Variants in GLIS1 observed in about 807,000 individuals in gnomAD.
GLIS1 encodes the protein GLIS family zinc finger 1, also known as zinc finger protein GLIS1.
A neutral mutation model predicts 63.8 loss-of-function variants in GLIS1; 24 were observed. The observed-to-expected ratio is 0.38, with a 90% CI of 0.27 to 0.53. The LOEUF (loss-of-function observed/expected upper bound fraction) is 0.53. GLIS1 is among the 20% of genes least tolerant of loss of function. The pLI is 0.85. For synonymous variants in GLIS1, 450 were observed against 482.5 expected, an observed-to-expected ratio of 0.93 and a Z score of 0.88; for missense variants, 1,036 against 1,074.1, an observed-to-expected ratio of 0.96 and a Z score of 0.50.
intron 7 of GLIS1, 25 bp downstream of exon 7, chr1:53,520,608 CT>C (rs779743396): frequency 1.9e-6 from 3 of 1,590,638 alleles, no homozygotes; most frequent in African/African-American, 1.3e-5. Flanking sequence ...GGCTACGCCC[CT>C]GGCCCTGCCT....
At chr1:53,734,042 T>C (rs1570119210) in intron 2 of GLIS1, 1 of 984,280 alleles carries the variant, frequency 1.0e-6, no homozygotes, top group African/African-American at 1.8e-5. Context: ...TCCGAGTCCA[T>C]GCGCACAATC....
At chr1:53,685,370 C>T (rs921611537) in intron 2 of GLIS1, among the ~76,000 whole-genome samples, 1 of 152,326 alleles carries the variant, frequency 6.6e-6, no homozygotes, top group East Asian at 1.9e-4. Context: ...GTGGTGTCTG[C>T]GCTGCCGGGC....
At position 53,597,176 on chromosome 1, in the gene GLIS1, T is replaced by TA. The variant is rs57607550; in HGVS notation, c.438-2187dup. Among the ~76,000 whole-genome samples, 184 of 19,330 alleles carry TA rather than the reference T, an allele frequency of 9.5e-3. 5 individuals carry two copies. The highest frequency in any genetic ancestry group is 0.03 in the South Asian group (6 of 200). The allele number at this position is 19,330 out of a possible 152,430, so 12.7% of individuals were successfully genotyped here. A position where few individuals can be genotyped will look rare whatever the true frequency, so the allele number is the denominator to read the frequency against. The stretch of plus-strand genomic sequence containing the variant: ...TGGCCTGGTGAAACCCTGTCTCTAC[T>TA]AAAAAAAAAAAAAAAAAAAAAAAAA... On this transcript the variant is annotated intron_variant, in intron 3 of 10. Transcript: ENST00000628545.
chr1:53,540,711 G>A (rs183257174), intron 4 of GLIS1, among the ~76,000 whole-genome samples: 136 of 152,256 alleles, frequency 8.9e-4, no homozygotes, highest in Non-Finnish European at 1.4e-3. Flanking sequence ...GCTTCACCCC[G>A]AGCTGCCTGC....
At chr1:53,676,293 T>C (rs1398673119) in intron 2 of GLIS1, among the ~76,000 whole-genome samples, 4 of 152,140 alleles carry the variant, frequency 2.6e-5, no homozygotes, top group Non-Finnish European at 5.9e-5. Flanking sequence ...GGAATCGTGG[T>C]TCCCCTCAAA....
chr1:53,524,850 C>T lies in GLIS1; in HGVS notation c.1520G>A (p.Arg507His), dbSNP rs201662227. The T allele has an allele frequency of 1.9e-6, 3 of 1,612,360 alleles. No individual in the cohort carries two copies. The highest frequency in any genetic ancestry group is 1.7e-5 in the Admixed American group (1 of 59,990). ...YACQIPGCSK[R>H]YTDPSSLRKH... ...GCGGAGGGAGCTGGGGTCTGTGTAG[C>T]GCTTGGAGCAGCCAGGGATCTGACA... The change falls in exon 6 of 11, where the codon CGC (arginine) becomes CAC (histidine). Residue 507 changes from arginine to histidine, a missense_variant. Coordinates refer to ENST00000628545, the MANE Select transcript of GLIS1 (RefSeq NM_001367484.1).
intron 2 of GLIS1, among the ~76,000 whole-genome samples, chr1:53,655,501 T>C (rs1267962772): frequency 6.6e-6 from 1 of 152,168 alleles, no homozygotes; most frequent in Non-Finnish European, 1.5e-5. Flanking sequence ...ATACAGTCAT[T>C]GTGAAGACCA....
At chr1:53,641,397 C>T (rs1291554847) in intron 2 of GLIS1, among the ~76,000 whole-genome samples, 1 of 152,188 alleles carries the variant, frequency 6.6e-6, no homozygotes, top group East Asian at 1.9e-4. Context: ...CAGTGACATC[C>T]CAGTGCCTGC....
At chr1:53,734,308 G>A (rs760669367) in intron 2 of GLIS1, 2 of 584,622 alleles carry the variant, frequency 3.4e-6, no homozygotes, top group Admixed American at 6.3e-5. Flanking sequence ...AAACTATAAA[G>A]TTTTCTAACT....
At chr1:53,597,798 G>T (rs1645274657) in intron 3 of GLIS1, among the ~76,000 whole-genome samples, 1 of 152,124 alleles carries the variant, frequency 6.6e-6, no homozygotes, top group African/African-American at 2.4e-5. Context: ...TGGGGGCACA[G>T]CAACTTAGAC....
intron 7 of GLIS1, among the ~76,000 whole-genome samples, chr1:53,517,825 C>A (rs943963798): frequency 6.6e-6 from 1 of 152,184 alleles, no homozygotes; most frequent in African/African-American, 2.4e-5. Flanking sequence ...GGGGCCAGGT[C>A]CCGGCCTGTC....
intron 2 of GLIS1, among the ~76,000 whole-genome samples, chr1:53,605,850 C>G (rs1645364709): frequency 6.6e-6 from 1 of 152,220 alleles, no homozygotes; most frequent in Non-Finnish European, 1.5e-5. Context: ...CACAGTCAGG[C>G]CCACAGCAAG....
intron 2 of GLIS1, among the ~76,000 whole-genome samples, chr1:53,701,502 T>G (rs1462959080): frequency 6.6e-6 from 1 of 152,204 alleles, no homozygotes; most frequent in Non-Finnish European, 1.5e-5. Flanking sequence ...TGCCAGGTAC[T>G]GTCCTAAGCC....
At chr1:53,550,920 G>A (rs575386544) in intron 4 of GLIS1, among the ~76,000 whole-genome samples, 6 of 152,104 alleles carry the variant, frequency 3.9e-5, no homozygotes, top group African/African-American at 1.2e-4. Context: ...GCGCGATCTC[G>A]GCTCACTGCA....
chr1:53,509,067 G>C, intron 10 of GLIS1, 53 bp downstream of exon 10: 1 of 1,489,264 alleles, frequency 6.7e-7, no homozygotes, highest in Non-Finnish European at 9.1e-7. Context: ...ACCCAGCACT[G>C]GGTTGAGCCT....
Position 53,514,563 on chromosome 1 carries a change from C to T in GLIS1, c.1883+62G>A, listed in dbSNP as rs1644329983. On this transcript the variant is annotated intron_variant, in intron 8 of 10. Coordinates refer to ENST00000628545, the MANE Select transcript of GLIS1 (RefSeq NM_001367484.1). ...TAGATAGTGCGGGACACCTGCTCTC[C>T]CTGCCTCCCCCCGAGATCCCCCCTT... 4.5e-6 allele frequency: 7 copies of T among 1,548,342 alleles called. No individual in the cohort carries two copies. In the Admixed American group the frequency reaches 1.2e-4, roughly 27 times the overall value.
chr1:53,549,519 C>T (rs1313762640), intron 4 of GLIS1, among the ~76,000 whole-genome samples: 1 of 152,204 alleles, frequency 6.6e-6, no homozygotes, highest in Non-Finnish European at 1.5e-5. Flanking sequence ...CATTTTCCTG[C>T]TGGCTAATGT....
chr1:53,554,517 A>G (rs952815081), intron 4 of GLIS1, among the ~76,000 whole-genome samples: 1 of 152,208 alleles, frequency 6.6e-6, no homozygotes, highest in African/African-American at 2.4e-5. Flanking sequence ...CTGAAGTCAC[A>G]CAGCACATCT....
chr1:53,701,898 C>T (rs1316667782), intron 2 of GLIS1, among the ~76,000 whole-genome samples: 1 of 148,276 alleles, frequency 6.7e-6, no homozygotes, highest in Non-Finnish European at 1.5e-5. Context: ...GAGGCTGAGG[C>T]ATGAGAATCA....
Sources: gnomAD v4.1 joint callset for allele counts (sites outside exome capture counted in the v4.1 genomes callset) on GRCh38, gnomAD v4.1.1 for gene constraint, MANE v1.5 for transcripts, NCBI Gene and HGNC (gene_info 2026-07-23, HGNC 2026-07-21) for gene names.